DCDC2: variants seen among roughly 807,000 people sequenced by gnomAD.
DCDC2 encodes the protein doublecortin domain-containing protein 2.
A neutral mutation model predicts 50.2 loss-of-function variants in DCDC2; 40 were observed. The ratio of observed to expected loss-of-function variants is 0.80; its 90% confidence interval spans 0.62 to 1.04. The LOEUF (loss-of-function observed/expected upper bound fraction) is 1.04, where lower values mean the gene tolerates loss of function less well. DCDC2 is among the 50% of genes least tolerant of loss of function. The probability of loss-of-function intolerance (pLI) is 0.00; values close to 1 mark genes in which losing one functional copy is unlikely to be tolerated. For synonymous variants in DCDC2, 234 were observed against 210.6 expected, an observed-to-expected ratio of 1.11 and a Z score of -0.96; for missense variants, 570 against 581.9, an observed-to-expected ratio of 0.98 and a Z score of 0.21.
chr6:24,217,819 AT>A (rs1762013813), intron 7 of DCDC2, among the ~76,000 whole-genome samples: 1 of 152,244 alleles, frequency 6.6e-6, no homozygotes, highest in South Asian at 2.1e-4. Flanking sequence ...TCAAGATATA[AT>A]AACTTTAACT....
chr6:24,174,676 T>C lies in DCDC2; in HGVS notation c.*54A>G. ...AATAACTATGTGCTTATCTTTCAAG[T>C]ATGATAACCCTTCATTTTTCTTGCG... On this transcript the variant is annotated 3_prime_UTR_variant, in exon 10 of 10. Coordinates refer to ENST00000378454, the MANE Select transcript of DCDC2 (RefSeq NM_016356.5). 8.1e-7 allele frequency: 1 copy of C among 1,232,716 alleles called. No homozygotes were observed. Among genetic ancestry groups the C allele is most frequent in the Non-Finnish European group, 1.2e-6 (1 of 841,988 alleles). The allele number at this position is 1,232,716 out of a possible 1,614,324, so 76.4% of individuals were successfully genotyped here.
At chr6:24,336,338 T>A (rs1760056731) in intron 2 of DCDC2, among the ~76,000 whole-genome samples, 1 of 152,206 alleles carries the variant, frequency 6.6e-6, no homozygotes, top group African/African-American at 2.4e-5. Flanking sequence ...TTCCACTTAT[T>A]GCAAGGAAAA....
At chr6:24,358,235 T>C (rs997221185), upstream of DCDC2, 1 of 267,668 alleles carries the variant, frequency 3.7e-6, no homozygotes, top group East Asian at 7.3e-5. Context: ...CTTGCACCTT[T>C]ACCCCTCAAT....
At chr6:24,381,890 AAAG>A in the DCDC2 span, among the ~76,000 whole-genome samples, 81 of 144,004 alleles carry the variant, frequency 5.6e-4, no homozygotes, top group Non-Finnish European at 1.0e-3. Context: ...GATAAAGAAA[AAAG>A]AAAGAAAGAA....
chr6:24,243,151 A>C (rs975363807), intron 7 of DCDC2, among the ~76,000 whole-genome samples: 7 of 152,236 alleles, frequency 4.6e-5, no homozygotes, highest in Non-Finnish European at 8.8e-5. Flanking sequence ...TGCCAGACTC[A>C]AACAAGCTAA....
chr6:24,365,945 G>A, the DCDC2 span, among the ~76,000 whole-genome samples: 6 of 151,980 alleles, frequency 3.9e-5, 1 homozygote, highest in Admixed American at 3.9e-4. Flanking sequence ...AGCCTCCCGA[G>A]TAGCTGGGAT....
intron 2 of DCDC2, among the ~76,000 whole-genome samples, chr6:24,348,774 AG>A (rs1189155805): frequency 2.0e-5 from 3 of 152,148 alleles, no homozygotes; most frequent in Non-Finnish European, 2.9e-5. Flanking sequence ...CAGTCCTCTG[AG>A]CACACCTCTA....
At chr6:24,185,860 C>T (rs1761192841) in intron 8 of DCDC2, among the ~76,000 whole-genome samples, 2 of 152,308 alleles carry the variant, frequency 1.3e-5, no homozygotes, top group South Asian at 4.1e-4. Context: ...CACCCTTCCT[C>T]CATCCCCTTC....
upstream of DCDC2, among the ~76,000 whole-genome samples, chr6:24,359,359 ATATTATATATTATATATATTTTATATAT>A (rs1760603937): frequency 4.6e-5 from 2 of 43,944 alleles, no homozygotes; most frequent in African/African-American, 2.6e-4. Flanking sequence ...TATTTTATGT[ATATTATATATTATATATATTTTATATAT>A]TATATATTAT....
intron 2 of DCDC2, among the ~76,000 whole-genome samples, chr6:24,327,662 C>T (rs541081042): frequency 1.3e-5 from 2 of 151,980 alleles, no homozygotes; most frequent in East Asian, 3.9e-4. Context: ...TCAGTAGAGA[C>T]GGGGTTTCAC....
the DCDC2 span, among the ~76,000 whole-genome samples, chr6:24,377,859 G>A: frequency 6.6e-6 from 1 of 152,054 alleles, no homozygotes; most frequent in African/African-American, 2.4e-5. Flanking sequence ...CATGGTGGCA[G>A]GTGCCTGTAA....
chr6:24,249,115 G>A (rs572156540), intron 7 of DCDC2, among the ~76,000 whole-genome samples: 16 of 151,916 alleles, frequency 1.1e-4, no homozygotes, highest in Non-Finnish European at 1.9e-4. Context: ...AAAATAAGCC[G>A]CTCATTCTAA....
intron 7 of DCDC2, among the ~76,000 whole-genome samples, chr6:24,222,982 C>G (rs1324845055): frequency 6.6e-6 from 1 of 152,072 alleles, no homozygotes; most frequent in Non-Finnish European, 1.5e-5. Flanking sequence ...AGTGTATACT[C>G]TTATATGGGT....
chr6:24,231,313 C>G (rs1031908927), intron 7 of DCDC2, among the ~76,000 whole-genome samples: 3 of 152,186 alleles, frequency 2.0e-5, no homozygotes, highest in Non-Finnish European at 2.9e-5. Context: ...GACTCTGGCC[C>G]CATCTAGGCC....
Position 24,201,072 on chromosome 6 carries a change from C to T in DCDC2, c.1023+3930G>A, listed in dbSNP as rs373556351. ...AAATTAGTGGGAGACTTTAACACCCCGCTATCAATATAAGACAGATCAACG... is the reference window on the plus strand; with the variant it reads ...AAATTAGTGGGAGACTTTAACACCCTGCTATCAATATAAGACAGATCAACG... On this transcript the variant is annotated intron_variant, in intron 8 of 9. Coordinates refer to ENST00000378454, the MANE Select transcript of DCDC2 (RefSeq NM_016356.5). 1.7e-4 allele frequency among the ~76,000 whole-genome samples: 26 copies of T among 152,118 alleles called. 1 individual carries two copies. The highest frequency in any genetic ancestry group is 8.5e-4 in the Admixed American group (13 of 15,274).
At chr6:24,311,952 C>T (rs908180366) in intron 2 of DCDC2, among the ~76,000 whole-genome samples, 1 of 152,188 alleles carries the variant, frequency 6.6e-6, no homozygotes, top group Non-Finnish European at 1.5e-5. Context: ...TTCAGATGGC[C>T]TGAAGCAACT....
intron 2 of DCDC2, among the ~76,000 whole-genome samples, chr6:24,347,663 G>T (rs921416543): frequency 6.6e-6 from 1 of 152,158 alleles, no homozygotes; most frequent in East Asian, 1.9e-4. Context: ...GTGTCCTCAG[G>T]GGGTACTGGA....
intron 9 of DCDC2, among the ~76,000 whole-genome samples, chr6:24,177,208 T>C (rs1760941518): frequency 6.6e-6 from 1 of 152,230 alleles, no homozygotes; most frequent in Admixed American, 6.5e-5. Context: ...ATATGGGGAA[T>C]TTCTTATAGA....
chr6:24,174,915 C>G, intron 9 of DCDC2, 81 bp from the exon 10 acceptor site: 1 of 759,554 alleles, frequency 1.3e-6, no homozygotes, highest in Non-Finnish European at 2.0e-6. Flanking sequence ...AAAAATTACT[C>G]AAGATTCTAT....
Sources: allele counts gnomAD v4.1 joint callset (sites outside exome capture counted in the v4.1 genomes callset), GRCh38; gene constraint gnomAD v4.1.1; transcripts MANE v1.5; gene names NCBI Gene and HGNC (gene_info 2026-07-23, HGNC 2026-07-21).